PPL: variants seen among roughly 807,000 people sequenced by gnomAD.
PPL encodes periplakin, also known as 190 kDa paraneoplastic pemphigus antigen.
In PPL, 198 loss-of-function variants were observed where a neutral mutation model predicts 194.4. The observed-to-expected ratio is 1.02, with a 90% CI of 0.91 to 1.15. PPL has a LOEUF of 1.15. PPL is among the 50% of genes most tolerant of loss of function. The pLI, the probability that PPL is intolerant of heterozygous loss-of-function variation, is 0.00. For missense variants in PPL, 2,885 were observed against 2,294.8 expected (o/e 1.26, Z -5.25); for synonymous variants, 1,220 against 972.4 (o/e 1.25, Z -4.74).
chr16:4,895,762 C>T (rs1244846829), intron 9 of PPL, 46 bp from the exon 10 acceptor site: 1 of 1,612,406 alleles, frequency 6.2e-7, no homozygotes, highest in East Asian at 2.2e-5. Flanking sequence ...CCACTAGAAG[C>T]ACCTGGGCTT....
In PPL at chr16:4,912,072, G is replaced by A. The variant is rs145042052; in HGVS notation, c.63-1123C>T. On this transcript the variant is annotated intron_variant, in intron 1 of 21. Coordinates refer to ENST00000345988, the MANE Select transcript of PPL (RefSeq NM_002705.5). Reference sequence around the variant, plus strand: ...AAAATTGGGAGATAACTCACATACCGTAAAATTCACCTGTTTAAAATACAC... The same window carrying A: ...AAAATTGGGAGATAACTCACATACCATAAAATTCACCTGTTTAAAATACAC... Among the ~76,000 whole-genome samples, 16 of 152,250 alleles carry A rather than the reference G, an allele frequency of 1.1e-4. No individual in the cohort carries two copies. The East Asian group carries it at 2.7e-3, about 26-fold the overall frequency.
At chr16:4,934,070 A>G (rs778166972) in intron 1 of PPL, among the ~76,000 whole-genome samples, 13 of 152,236 alleles carry the variant, frequency 8.5e-5, no homozygotes, top group Non-Finnish European at 1.9e-4. Context: ...CTGAGGTCGC[A>G]CAGCCAGGAG....
In PPL at chr16:4,911,792, A is replaced by T. The variant is rs150745218; in HGVS notation, c.63-843T>A. Among the ~76,000 whole-genome samples, 27 of 148,688 alleles carry T rather than the reference A, an allele frequency of 1.8e-4. 1 individual carries two copies. In the East Asian group the frequency reaches 5.4e-3, roughly 30 times the overall value. ...AGCTCAAGCAATTCGTCCACCTTGG[A>T]CTCCCAAAGTGCTGGGATTACAGAT... On this transcript the variant is annotated intron_variant, in intron 1 of 21. Coordinates refer to ENST00000345988, the MANE Select transcript of PPL (RefSeq NM_002705.5).
rs147570722 is a variant in PPL, at chr16:4,885,537, C to T, written c.3118G>A (p.Ala1040Thr). ...EVLLLQQRVA[A>T]LAEEKSRAQE... ...GCCCGGCTCTTCTCTTCAGCCAGGG[C>T]GGCCACACGCTGCTGCAGGAGGAGC... is the stretch of plus-strand genomic sequence containing the variant. The change falls in exon 22 of 22, where the codon GCC (alanine) becomes ACC (threonine). Residue 1040 changes from alanine to threonine, a missense_variant. Coordinates refer to ENST00000345988, the MANE Select transcript of PPL (RefSeq NM_002705.5). This position sits in a 1 kb window ranked among gnomAD's most constrained non-coding sequence, Gnocchi z 6.3. 7.6e-5 allele frequency: 122 copies of T among 1,610,630 alleles called. No individual in the cohort carries two copies. The highest frequency in any genetic ancestry group is 1.7e-4 in the Middle Eastern group (1 of 6,052).
At position 4,903,950 on chromosome 16, in the gene PPL, G is replaced by C. The variant is rs749389805; in HGVS notation, c.253C>G (p.Leu85Val). ...VLDSEKLLYVLEADAAIAKHM... is the reference protein window; with the variant it reads ...VLDSEKLLYVVEADAAIAKHM... ...TTGGCAATGGCCGCATCCGCCTCTA[G>C]CACATAGAGCAGCTTCTCAGAGTCC... The change falls in exon 3 of 22, where the codon CTA becomes GTA. Residue 85 changes from leucine (L) to valine (V), a missense_variant. Coordinates refer to ENST00000345988, the MANE Select transcript of PPL (RefSeq NM_002705.5). The C allele has an allele frequency of 1.9e-6, 3 of 1,614,080 alleles. No homozygotes were observed. In the South Asian group the frequency reaches 3.3e-5, roughly 18 times the overall value.
chr16:4,900,039 C>A (rs943334017), intron 6 of PPL, among the ~76,000 whole-genome samples: 1 of 152,116 alleles, frequency 6.6e-6, no homozygotes, highest in Non-Finnish European at 1.5e-5. Flanking sequence ...GAAACTGAGG[C>A]TCCCGGAGGC....
At chr16:4,898,052 G>A (rs1258025522) in intron 8 of PPL, among the ~76,000 whole-genome samples, 1 of 152,186 alleles carries the variant, frequency 6.6e-6, no homozygotes, top group African/African-American at 2.4e-5. Flanking sequence ...CTGTACAAAG[G>A]CACTGTCATG....
In PPL at chr16:4,902,628, A is replaced by G; in HGVS notation, c.318-102T>C. 7.3e-7 allele frequency: 1 copy of G among 1,369,876 alleles called. No individual in the cohort carries two copies. Among genetic ancestry groups the G allele is most frequent in the Non-Finnish European group, 1.0e-6 (1 of 1,004,318 alleles). The allele number at this position is 1,369,876 out of a possible 1,614,324, so 84.9% of individuals were successfully genotyped here. A position where few individuals can be genotyped will look rare whatever the true frequency, so the allele number is the denominator to read the frequency against. On this transcript the variant is annotated intron_variant, in intron 3 of 21. Coordinates refer to ENST00000345988, the MANE Select transcript of PPL (RefSeq NM_002705.5). This position sits in a 1 kb window ranked among gnomAD's most constrained non-coding sequence, Gnocchi z 4.0. The stretch of plus-strand genomic sequence containing the variant: ...CCCGGCCTCAGTGTCCTGGAAGGAC[A>G]CAGTGACCATATGGCCTTGGGTTCC...
At chr16:4,901,936 T>TC (rs2088580166) in intron 4 of PPL, among the ~76,000 whole-genome samples, 2 of 113,216 alleles carry the variant, frequency 1.8e-5, no homozygotes, top group Non-Finnish European at 3.6e-5. Context: ...TGAGACCTTG[T>TC]CTCAAAAATA....
intron 11 of PPL, 22 bp from the exon 12 acceptor site, chr16:4,894,640 G>T (rs368077308): frequency 7.5e-6 from 12 of 1,608,460 alleles, no homozygotes; most frequent in Non-Finnish European, 1.0e-5. Flanking sequence ...AGGCTGGACA[G>T]TCAGGATCCC....
At chr16:4,894,393 G>C (rs561153157) in intron 12 of PPL, 74 bp downstream of exon 12, 1 of 1,559,810 alleles carries the variant, frequency 6.4e-7, no homozygotes, top group African/African-American at 1.4e-5. Flanking sequence ...CCAAATCCCC[G>C]GGGCTATGAA....
intron 1 of PPL, among the ~76,000 whole-genome samples, chr16:4,911,454 G>A (rs575772514): frequency 1.8e-4 from 28 of 151,968 alleles, no homozygotes; most frequent in African/African-American, 5.6e-4. Flanking sequence ...GAGCCACCGC[G>A]CCCGCCCAGC....
chr16:4,890,599 C>G (rs911916454), intron 17 of PPL, 129 bp downstream of exon 17: 4 of 1,199,710 alleles, frequency 3.3e-6, no homozygotes, highest in Non-Finnish European at 4.6e-6. Context: ...ACAGGGCCGT[C>G]AGAGAATCTG....
At position 4,884,530 on chromosome 16, in the gene PPL, G is replaced by A. The variant is rs768639090; in HGVS notation, c.4125C>T (p.Ile1375=). 10 of 1,612,104 alleles carry A rather than the reference G, an allele frequency of 6.2e-6. No individual in the cohort carries two copies. In the Admixed American group the frequency reaches 8.4e-5, roughly 14 times the overall value. The part of the protein sequence containing the change: ...RAEASAFAES[I]DVELRQIDKL... Reference sequence around the variant, plus strand: ...TGTCAATCTGCCGCAGCTCCACATCGATGCTCTCGGCAAAGGCGCTCGCCT... The same window carrying A: ...TGTCAATCTGCCGCAGCTCCACATCAATGCTCTCGGCAAAGGCGCTCGCCT... Residue 1375 remains isoleucine (I), a synonymous_variant, in exon 22 of 22, where the codon ATC becomes ATT. Transcript: ENST00000345988. This position sits in a 1 kb window ranked among gnomAD's most constrained non-coding sequence, Gnocchi z 5.7.
rs1218976874 is a variant in PPL, at chr16:4,884,664, A to T, written c.3991T>A (p.Ser1331Thr). ...KQVDLERERA[S>T]QEEQIARKEE... ...TTCCGGGCGATCTGCTCTTCCTGGG[A>T]AGCTCTTTCCCTCTCCAGATCCACT... The change falls in exon 22 of 22, where the codon TCC becomes ACC. Residue 1331 changes from serine to threonine, a missense_variant. Transcript: ENST00000345988. The surrounding 1 kb of genome is among the most constrained non-coding windows in gnomAD (Gnocchi z 5.7). The T allele has an allele frequency of 6.2e-7, 1 of 1,613,886 alleles. No individual in the cohort carries two copies.
chr16:4,887,332 G>T (rs1290850944), intron 20 of PPL, 105 bp from the exon 21 acceptor site: 2 of 846,444 alleles, frequency 2.4e-6, no homozygotes, highest in Admixed American at 3.5e-5. Context: ...TGTGGAATTT[G>T]GGGGTAGAGG....
chr16:4,892,486 C>A (rs956616882), intron 14 of PPL, among the ~76,000 whole-genome samples: 1 of 152,218 alleles, frequency 6.6e-6, no homozygotes, highest in African/African-American at 2.4e-5. Context: ...GCACTGCACG[C>A]GGACGCTTCT....
At chr16:4,887,345 T>C (rs971038751) in intron 20 of PPL, 118 bp from the exon 21 acceptor site, 20 of 739,612 alleles carry the variant, frequency 2.7e-5, no homozygotes, top group African/African-American at 5.2e-5. Flanking sequence ...GGTAGAGGCA[T>C]AGCTCTTGCC....
intron 2 of PPL, among the ~76,000 whole-genome samples, 176 bp from the exon 3 acceptor site, chr16:4,904,216 G>T (rs1047151466): frequency 1.3e-5 from 2 of 152,224 alleles, no homozygotes; most frequent in Admixed American, 6.5e-5. Flanking sequence ...TTGCTGCTAC[G>T]TGGTATTTCT....
Sources: gnomAD v4.1 joint callset for allele counts (sites outside exome capture counted in the v4.1 genomes callset) on GRCh38, gnomAD v4.1.1 for gene constraint, Gnocchi (gnomAD v3.1) non-coding constraint, MANE v1.5 for transcripts, NCBI Gene and HGNC (gene_info 2026-07-23, HGNC 2026-07-21) for gene names.